The following TEX101 variants were observed in gnomAD, a reference collection of about 807,000 sequenced individuals.
TEX101 encodes testis-expressed protein 101.
TEX101 carries 10 observed loss-of-function variants against 18.1 expected under a neutral mutation model. The observed-to-expected ratio is 0.55, with a 90% CI of 0.34 to 0.94. The LOEUF is 0.94. Ranked by LOEUF, TEX101 falls within the 40% of genes least tolerant of loss-of-function variation. The pLI is 0.02. For synonymous variants in TEX101, 94 were observed against 114.8 expected (o/e 0.82, Z 1.16); for missense variants, 259 against 298.9 (o/e 0.87, Z 0.98).
the TEX101 span, among the ~76,000 whole-genome samples, chr19:43,391,406 C>CTTTTTTTTTTTTTTTT: frequency 1.0e-5 from 1 of 95,904 alleles, no homozygotes; most frequent in East Asian, 3.2e-4. Flanking sequence ...TTCTGTTTTT[C>CTTTTTTTTTTTTTTTT]TTTTTTTTTT....
upstream of TEX101, among the ~76,000 whole-genome samples, chr19:43,413,041 C>T (rs1244442095): frequency 6.6e-6 from 1 of 152,128 alleles, no homozygotes; most frequent in Non-Finnish European, 1.5e-5. Flanking sequence ...TAACAGCAAC[C>T]CCTGACCTAA....
In TEX101 at chr19:43,417,941, C is replaced by G. The variant is rs777361981; in HGVS notation, c.455C>G (p.Ala152Gly). ...TCVALGTCFSAPSLPCPNGTT... is the reference protein window; with the variant it reads ...TCVALGTCFSGPSLPCPNGTT... ...GTGGCTTTGGGGACCTGTTTCAGTG[C>G]TCCTTCTCTTCCCTGTCCCAATGGT... Residue 152 changes from alanine to glycine, a missense_variant, in exon 5 of 6, where the codon GCT (alanine) becomes GGT (glycine). Ala to Gly is a moderately conservative substitution (Grantham distance 60). Transcript: ENST00000598265. 6.2e-7 allele frequency: 1 copy of G among 1,614,182 alleles called. No homozygotes were observed. The highest frequency in any genetic ancestry group is 8.5e-7 in the Non-Finnish European group (1 of 1,180,034).
At chr19:43,402,202 C>T (rs1328437674) in intron 1 of TEX101, among the ~76,000 whole-genome samples, 1 of 152,240 alleles carries the variant, frequency 6.6e-6, no homozygotes, top group African/African-American at 2.4e-5. Context: ...TTTATGTATA[C>T]AGAAGTCACT....
chr19:43,392,489 C>T, the TEX101 span, among the ~76,000 whole-genome samples: 146 of 152,186 alleles, frequency 9.6e-4, no homozygotes, highest in Middle Eastern at 0.017. Flanking sequence ...CCTCACTTAC[C>T]TCACCCTCAT....
intron 4 of TEX101, among the ~76,000 whole-genome samples, chr19:43,416,901 C>T (rs1047365808): frequency 2.5e-4 from 38 of 152,002 alleles, no homozygotes; most frequent in Admixed American, 1.6e-3. Context: ...AGCCTGGTGG[C>T]GCACACCTGT....
At chr19:43,406,592 G>A (rs1354678330) in intron 3 of TEX101, 2 of 614,324 alleles carry the variant, frequency 3.3e-6, no homozygotes, top group South Asian at 1.9e-5. Context: ...TGGGGGAGTC[G>A]GGCGCGAGTT....
chr19:43,404,038 CA>C (rs1162172343), intron 2 of TEX101, among the ~76,000 whole-genome samples: 88 of 62,932 alleles, frequency 1.4e-3, no homozygotes, highest in African/African-American at 1.8e-3. Context: ...GACTCTGGCT[CA>C]AAAAAAAAAA....
Position 43,418,571 on chromosome 19 carries a change from C to G in TEX101, c.*174C>G. 1 of 595,604 alleles carries G rather than the reference C, an allele frequency of 1.7e-6. No homozygotes were observed. Among genetic ancestry groups the G allele is most frequent in the Admixed American group, 3.2e-5 (1 of 31,036 alleles). 36.9% of individuals were successfully genotyped at this position (595,604 alleles called of 1,614,324 possible). On this transcript the variant is annotated 3_prime_UTR_variant, in exon 6 of 6. Coordinates refer to ENST00000598265, the MANE Select transcript of TEX101 (RefSeq NM_001130011.3). ...TGCTATAATTTTTGTATGCAGTAGG[C>G]GTTACTAATAAACATTTCTGCTGTG...
At chr19:43,406,311 T>G in exon 3 of TEX101, 1 of 548,008 alleles carries the variant, frequency 1.8e-6, no homozygotes, top group Non-Finnish European at 3.2e-6. Flanking sequence ...CAATGCCCCA[T>G]GTAATTAGTG....
exon 3 of TEX101, chr19:43,406,271 CAGGAGCAACCGTGACCCTCTTAAAAGA>C (rs1183575975): frequency 2.0e-6 from 1 of 511,500 alleles, no homozygotes; most frequent in African/African-American, 2.0e-5. Flanking sequence ...GGATCAAGGG[CAGGAGCAACCGTGACCCTCTTAAAAGA>C]GCCAATGCCC....
intron 3 of TEX101, among the ~76,000 whole-genome samples, chr19:43,407,648 C>T (rs930506431): frequency 1.1e-4 from 17 of 152,222 alleles, no homozygotes; most frequent in Non-Finnish European, 1.9e-4. Flanking sequence ...GGTGCCTGTG[C>T]TTGGATGAGG....
At chr19:43,414,542 T>TAAG (rs1970449822), upstream of TEX101, among the ~76,000 whole-genome samples, 1 of 151,972 alleles carries the variant, frequency 6.6e-6, no homozygotes, top group African/African-American at 2.4e-5. Flanking sequence ...GGTAGGGAGA[T>TAAG]AAGTTCCGTG....
chr19:43,403,983 G>C (rs1183411620), intron 2 of TEX101, among the ~76,000 whole-genome samples: 1 of 150,454 alleles, frequency 6.6e-6, no homozygotes, highest in East Asian at 2.0e-4. Context: ...AGCGTGCAGT[G>C]AGCCAAGATC....
At chr19:43,390,916 C>T in the TEX101 span, among the ~76,000 whole-genome samples, 1 of 152,130 alleles carries the variant, frequency 6.6e-6, no homozygotes, top group Non-Finnish European at 1.5e-5. Flanking sequence ...TTCCGCCTCC[C>T]TCCAGCCACT....
At chr19:43,408,100 C>A (rs1412612902) in intron 3 of TEX101, among the ~76,000 whole-genome samples, 2 of 152,250 alleles carry the variant, frequency 1.3e-5, no homozygotes, top group Non-Finnish European at 2.9e-5. Context: ...CCACCCCGGC[C>A]TCTGGTATGG....
At chr19:43,404,011 C>T (rs1013639596) in intron 2 of TEX101, among the ~76,000 whole-genome samples, 3 of 148,736 alleles carry the variant, frequency 2.0e-5, no homozygotes, top group African/African-American at 7.5e-5. Context: ...TGCACTCCAG[C>T]CTGGGCAACA....
rs1970387508 is a variant in TEX101, at chr19:43,408,226, A to G, written c.15+1707A>G. ...AAGGAACATGCGCTTCCGGGGGTGG[A>G]GAGGCGGTGAGGGCCGCCCCCGCAG... is the stretch of plus-strand genomic sequence containing the variant. On this transcript the variant is annotated intron_variant, in intron 3 of 7. Coordinates refer to the TEX101 transcript ENST00000602198. 3.9e-5 allele frequency among the ~76,000 whole-genome samples: 6 copies of G among 152,282 alleles called. No individual in the cohort carries two copies. The South Asian group carries it at 1.2e-3, about 32-fold the overall frequency.
intron 3 of TEX101, among the ~76,000 whole-genome samples, chr19:43,407,554 G>A (rs1970378622): frequency 6.6e-6 from 1 of 152,172 alleles, no homozygotes; most frequent in South Asian, 2.1e-4. Flanking sequence ...GACCATGTGA[G>A]ACAGGTTGAT....
At chr19:43,410,469 G>A (rs533469972), upstream of TEX101, among the ~76,000 whole-genome samples, 2 of 152,152 alleles carry the variant, frequency 1.3e-5, no homozygotes, top group Admixed American at 1.3e-4. Context: ...CAGTGTGGGA[G>A]GTTGGAATTT....
Sources: allele counts gnomAD v4.1 joint callset (sites outside exome capture counted in the v4.1 genomes callset), GRCh38; gene constraint gnomAD v4.1.1; transcripts MANE v1.5; gene names NCBI Gene and HGNC (gene_info 2026-07-23, HGNC 2026-07-21).